Variants in VPS13B observed in about 807,000 individuals in gnomAD.
VPS13B encodes intermembrane lipid transfer protein VPS13B.
VPS13B carries 285 observed loss-of-function variants against 426.4 expected under a neutral mutation model. The observed-to-expected ratio is 0.67, with a 90% CI of 0.61 to 0.74. The LOEUF (loss-of-function observed/expected upper bound fraction) is 0.74. VPS13B is among the 30% of genes least tolerant of loss of function. The pLI is 0.00. For synonymous variants in VPS13B, 1,676 were observed against 1,676.4 expected, an observed-to-expected ratio of 1.00 and a Z score of 0.01; for missense variants, 4,537 against 4,782.6, an observed-to-expected ratio of 0.95 and a Z score of 1.51.
At chr8:99,160,146 G>C (rs1811568162) in intron 15 of VPS13B, among the ~76,000 whole-genome samples, 1 of 151,990 alleles carries the variant, frequency 6.6e-6, no homozygotes, top group South Asian at 2.1e-4. Context: ...ATGTCCATCT[G>C]GTTATGTAAA....
chr8:99,414,972 G>T (rs748130175), intron 21 of VPS13B, among the ~76,000 whole-genome samples: 8 of 152,110 alleles, frequency 5.3e-5, no homozygotes, highest in Non-Finnish European at 1.2e-4. Context: ...GGTTGAAGAA[G>T]TTCTCCTGGA....
chr8:99,593,548 C>T (rs183362878), intron 33 of VPS13B, among the ~76,000 whole-genome samples: 1 of 152,204 alleles, frequency 6.6e-6, no homozygotes, highest in Non-Finnish European at 1.5e-5. Flanking sequence ...CCAGCAATTG[C>T]ATTACTGGTT....
chr8:99,228,296 G>A (rs1376252443), intron 17 of VPS13B, among the ~76,000 whole-genome samples: 1 of 151,994 alleles, frequency 6.6e-6, no homozygotes, highest in Non-Finnish European at 1.5e-5. Context: ...CTTGGTTTTT[G>A]TCCCTGGAGA....
intron 25 of VPS13B, among the ~76,000 whole-genome samples, chr8:99,491,971 T>C (rs769943037): frequency 1.2e-4 from 19 of 152,354 alleles, no homozygotes; most frequent in Middle Eastern, 3.4e-3. Flanking sequence ...TCAGCTTTTC[T>C]GCTCTGGTTT....
intron 29 of VPS13B, among the ~76,000 whole-genome samples, chr8:99,512,865 C>T (rs1389688418): frequency 6.6e-6 from 1 of 151,844 alleles, no homozygotes; most frequent in African/African-American, 2.4e-5. Context: ...AAAAATTAGC[C>T]AGGCGTGGTG....
intron 17 of VPS13B, chr8:99,209,708 T>A (rs1814963710): frequency 4.1e-6 from 4 of 981,840 alleles, no homozygotes; most frequent in Non-Finnish European, 4.9e-6. Context: ...TGCCTGGCCC[T>A]TTATAAATTA....
At chr8:99,239,601 A>G (rs1472873550) in intron 17 of VPS13B, among the ~76,000 whole-genome samples, 1 of 152,128 alleles carries the variant, frequency 6.6e-6, no homozygotes, top group East Asian at 1.9e-4. Flanking sequence ...TCTAGATGAC[A>G]GTATTTTGGG....
intron 54 of VPS13B, among the ~76,000 whole-genome samples, chr8:99,844,073 C>G (rs1260262418): frequency 6.6e-6 from 1 of 152,148 alleles, no homozygotes; most frequent in African/African-American, 2.4e-5. Context: ...AGTGTGTTGC[C>G]TATAGTCAGT....
At chr8:99,274,682 C>A (rs1207647900) in intron 18 of VPS13B, among the ~76,000 whole-genome samples, 1 of 151,856 alleles carries the variant, frequency 6.6e-6, no homozygotes, top group East Asian at 1.9e-4. Flanking sequence ...ATAGGAGACC[C>A]AGTTGTTTTT....
chr8:99,641,849 T>C lies in VPS13B; in HGVS notation c.5259T>C (p.Asp1753=). The change falls in exon 34 of 62, where the codon GAT becomes GAC. Residue 1753 remains aspartate, a synonymous_variant. Transcript: ENST00000357162. ...AACAGAAAAAAGTGGATATATTTGATGGAGGCATGGCTGAAACCTCATCTC... is the reference window on the plus strand; with the variant it reads ...AACAGAAAAAAGTGGATATATTTGACGGAGGCATGGCTGAAACCTCATCTC... ...KQEQKKVDIF[D]GGMAETSSRY... 1 of 1,613,246 alleles carries C rather than the reference T, an allele frequency of 6.2e-7. No homozygotes were observed. Among genetic ancestry groups the C allele is most frequent in the Admixed American group, 1.7e-5 (1 of 59,862 alleles).
intron 1 of VPS13B, 117 bp from the exon 2 acceptor site, chr8:99,013,643 T>C: frequency 1.1e-6 from 1 of 901,802 alleles, no homozygotes; most frequent in East Asian, 2.6e-5. Flanking sequence ...TTTCTCTGTT[T>C]CTAAGAGGAG....
chr8:99,520,110 AAAG>A (rs965980353), intron 29 of VPS13B, among the ~76,000 whole-genome samples: 3 of 152,150 alleles, frequency 2.0e-5, no homozygotes, highest in African/African-American at 7.2e-5. Context: ...TTAGTACAAA[AAAG>A]AGAATTAGAA....
chr8:99,207,038 T>G (rs186913815), intron 17 of VPS13B, among the ~76,000 whole-genome samples: 1 of 152,278 alleles, frequency 6.6e-6, no homozygotes, highest in Non-Finnish European at 1.5e-5. Flanking sequence ...TAAAAAGACA[T>G]TAATTTTTGT....
intron 44 of VPS13B, among the ~76,000 whole-genome samples, chr8:99,817,303 A>C (rs1249074891): frequency 6.6e-6 from 1 of 151,922 alleles, no homozygotes; most frequent in Non-Finnish European, 1.5e-5. Flanking sequence ...CCTGAGCAGC[A>C]TTTCTAATTG....
chr8:99,256,825 A>C (rs769366824), intron 17 of VPS13B, among the ~76,000 whole-genome samples: 9 of 152,192 alleles, frequency 5.9e-5, no homozygotes, highest in African/African-American at 1.4e-4. Context: ...ATATTTTCTC[A>C]GATTGTTTCC....
chr8:99,220,301 T>G (rs1815638343), intron 17 of VPS13B, among the ~76,000 whole-genome samples: 4 of 152,230 alleles, frequency 2.6e-5, no homozygotes, highest in Admixed American at 2.6e-4. Flanking sequence ...TTTCTGTCAC[T>G]GATTAAAATA....
At chr8:99,586,823 G>A (rs2133829040) in intron 33 of VPS13B, among the ~76,000 whole-genome samples, 1 of 152,150 alleles carries the variant, frequency 6.6e-6, no homozygotes, top group East Asian at 1.9e-4. Context: ...CCCAGAATTA[G>A]AAAAGAAAAC....
intron 4 of VPS13B, among the ~76,000 whole-genome samples, chr8:99,098,272 C>T (rs565585323): frequency 1.5e-4 from 23 of 152,216 alleles, no homozygotes; most frequent in Admixed American, 1.3e-3. Flanking sequence ...GGAGTGTTTA[C>T]TTTATCTTAT....
At chr8:99,568,007 A>C (rs555851460) in intron 31 of VPS13B, among the ~76,000 whole-genome samples, 2 of 152,304 alleles carry the variant, frequency 1.3e-5, no homozygotes, top group Admixed American at 6.5e-5. Flanking sequence ...AAAATGAGCT[A>C]TCTGTTCAAA....
Sources: allele counts gnomAD v4.1 joint callset (sites outside exome capture counted in the v4.1 genomes callset), GRCh38; gene constraint gnomAD v4.1.1; transcripts MANE v1.5; gene names NCBI Gene and HGNC (gene_info 2026-07-23, HGNC 2026-07-21).